Variants in ADAMTS18 observed in about 807,000 individuals in gnomAD.
The protein encoded by ADAMTS18 is ADAM metallopeptidase with thrombospondin type 1 motif 18.
ADAMTS18 carries 157 observed loss-of-function variants against 165.9 expected under a neutral mutation model. The ratio of observed to expected loss-of-function variants is 0.95; its 90% CI spans 0.83 to 1.08. The LOEUF (loss-of-function observed/expected upper bound fraction) is 1.08, where lower values mean the gene tolerates loss of function less well. Ranked by LOEUF, ADAMTS18 falls within the 50% of genes least tolerant of loss-of-function variation. The pLI, the probability that ADAMTS18 is intolerant of heterozygous loss-of-function variation, is 0.00. For missense variants in ADAMTS18, 2,040 were observed against 1,534.0 expected, an observed-to-expected ratio of 1.33 and a Z score of -5.51; for synonymous variants, 782 against 578.2, an observed-to-expected ratio of 1.35 and a Z score of -5.06.
chr16:77,304,750 G>C (rs907090458), intron 16 of ADAMTS18, among the ~76,000 whole-genome samples: 2 of 152,190 alleles, frequency 1.3e-5, no homozygotes, highest in Admixed American at 6.5e-5. Flanking sequence ...CATGTTCTTA[G>C]GAACGTGCAG....
At chr16:77,294,792 C>G in intron 19 of ADAMTS18, 131 bp downstream of exon 19, 1 of 889,760 alleles carries the variant, frequency 1.1e-6, no homozygotes, top group Non-Finnish European at 1.8e-6. Context: ...AATGCAGATT[C>G]CCAGGCACAT....
At chr16:77,416,688 A>G (rs1156846359) in intron 3 of ADAMTS18, among the ~76,000 whole-genome samples, 1 of 152,176 alleles carries the variant, frequency 6.6e-6, no homozygotes, top group Non-Finnish European at 1.5e-5. Context: ...TAATTTGTCT[A>G]TTAGCAGCAT....
chr16:77,285,467 C>T (rs978384486), intron 22 of ADAMTS18, among the ~76,000 whole-genome samples: 6 of 134,994 alleles, frequency 4.4e-5, no homozygotes, highest in South Asian at 2.3e-4. Flanking sequence ...GGCACACCCC[C>T]GGCCATTTTA....
chr16:77,301,148 G>T (rs999378256), intron 16 of ADAMTS18, among the ~76,000 whole-genome samples: 1 of 152,146 alleles, frequency 6.6e-6, no homozygotes, highest in Non-Finnish European at 1.5e-5. Flanking sequence ...ATCCCATAAA[G>T]TCTGACTACT....
In ADAMTS18 at chr16:77,292,879, G is replaced by C. The variant is rs566464494; in HGVS notation, c.3189+197C>G. The C allele has an allele frequency of 1.8e-5, 10 of 557,466 alleles. No individual in the cohort carries two copies. The South Asian group carries it at 1.9e-4, about 10-fold the overall frequency. The allele number at this position is 557,466 out of a possible 1,614,324, so 34.5% of individuals were successfully genotyped here. On this transcript the variant is annotated intron_variant, in intron 20 of 22. Coordinates refer to ENST00000282849, the MANE Select transcript of ADAMTS18 (RefSeq NM_199355.4). ...CTGTCGCCCAGGCTGGAGTGCAGTG[G>C]CGCAATCTCAGCTCACTGCAAACTC...
At chr16:77,318,048 G>A (rs965243293) in intron 16 of ADAMTS18, among the ~76,000 whole-genome samples, 1 of 152,154 alleles carries the variant, frequency 6.6e-6, no homozygotes, top group African/African-American at 2.4e-5. Flanking sequence ...ATAGTCTTAT[G>A]TGAATTAACA....
chr16:77,405,895 C>T (rs11149985), intron 3 of ADAMTS18, among the ~76,000 whole-genome samples: 18,397 of 152,070 alleles, frequency 0.12, 1,400 homozygotes, highest in East Asian at 0.22. Flanking sequence ...TCTCACAGAT[C>T]CTACTTCCAA....
intron 3 of ADAMTS18, among the ~76,000 whole-genome samples, chr16:77,427,796 G>A (rs1242700930): frequency 6.6e-6 from 1 of 152,158 alleles, no homozygotes; most frequent in Non-Finnish European, 1.5e-5. Context: ...GGCAGGGGAG[G>A]TGGGTGCATT....
chr16:77,407,163 G>C (rs904868268), intron 3 of ADAMTS18, among the ~76,000 whole-genome samples: 3 of 152,124 alleles, frequency 2.0e-5, no homozygotes, highest in Middle Eastern at 3.4e-3. Context: ...CTTAATAAGA[G>C]TCTATATACA....
At chr16:77,397,931 C>T (rs1410798118) in intron 3 of ADAMTS18, among the ~76,000 whole-genome samples, 1 of 152,128 alleles carries the variant, frequency 6.6e-6, no homozygotes, top group African/African-American at 2.4e-5. Flanking sequence ...ATTGCTTTAC[C>T]TACTTGTGTA....
intron 2 of ADAMTS18, chr16:77,432,394 A>G (rs2057750212): frequency 6.6e-6 from 1 of 152,262 alleles, no homozygotes; most frequent in African/African-American, 2.4e-5. Flanking sequence ...GGACACCTGG[A>G]AAGGCATGTT....
At chr16:77,425,365 C>A (rs962083884) in intron 3 of ADAMTS18, among the ~76,000 whole-genome samples, 4 of 152,128 alleles carry the variant, frequency 2.6e-5, no homozygotes, top group African/African-American at 9.7e-5. Context: ...ACGGTACATA[C>A]TCCACTCAGA....
At chr16:77,369,586 A>C (rs2056847721) in intron 3 of ADAMTS18, among the ~76,000 whole-genome samples, 1 of 152,244 alleles carries the variant, frequency 6.6e-6, no homozygotes, top group South Asian at 2.1e-4. Context: ...CGAGTTAAGG[A>C]GATTTAATCT....
chr16:77,384,949 G>A (rs529907878), intron 3 of ADAMTS18, among the ~76,000 whole-genome samples: 147 of 145,244 alleles, frequency 1.0e-3, no homozygotes, highest in Non-Finnish European at 1.8e-3. Context: ...TTGTTCTGTT[G>A]CCCAAGCTGG....
In ADAMTS18 at chr16:77,324,259, G is replaced by A. The variant is rs537934215; in HGVS notation, c.2032+1607C>T. ...TCAAGAGTATACAACCAACAGAAAGGAAATCTTCCAAGTCTGGAATAGGAA... is the reference window on the plus strand; with the variant it reads ...TCAAGAGTATACAACCAACAGAAAGAAAATCTTCCAAGTCTGGAATAGGAA... On this transcript the variant is annotated intron_variant, in intron 13 of 22. Transcript: ENST00000282849. 3.5e-4 allele frequency among the ~76,000 whole-genome samples: 53 copies of A among 152,310 alleles called. No homozygotes were observed. In the South Asian group the frequency reaches 0.011, roughly 31 times the overall value.
intron 3 of ADAMTS18, among the ~76,000 whole-genome samples, chr16:77,427,311 G>C (rs377495562): frequency 3.3e-4 from 50 of 152,258 alleles, no homozygotes; most frequent in African/African-American, 1.2e-3. Flanking sequence ...AGATCTCTTA[G>C]TACATAGGAA....
chr16:77,391,648 T>G (rs1392352811), intron 3 of ADAMTS18, among the ~76,000 whole-genome samples: 2 of 152,156 alleles, frequency 1.3e-5, no homozygotes, highest in Non-Finnish European at 2.9e-5. Flanking sequence ...CTTTTAATAG[T>G]TGCAAAGAAA....
chr16:77,328,337 T>C (rs1265330682), intron 12 of ADAMTS18, among the ~76,000 whole-genome samples: 1 of 152,150 alleles, frequency 6.6e-6, no homozygotes, highest in Non-Finnish European at 1.5e-5. Flanking sequence ...TTGTATAACA[T>C]GAAAGGCGGC....
At chr16:77,414,889 C>G (rs1331262715) in intron 3 of ADAMTS18, among the ~76,000 whole-genome samples, 2 of 152,118 alleles carry the variant, frequency 1.3e-5, no homozygotes, top group Admixed American at 1.3e-4. Context: ...GTGAAGTCAT[C>G]CTCTAAGCCA....
Sources: allele counts gnomAD v4.1 joint callset (sites outside exome capture counted in the v4.1 genomes callset), GRCh38; gene constraint gnomAD v4.1.1; transcripts MANE v1.5; gene names NCBI Gene and HGNC (gene_info 2026-07-23, HGNC 2026-07-21).